RARB: variants seen among roughly 807,000 people sequenced by gnomAD.
RARB encodes the protein retinoic acid receptor beta.
Under a neutral mutation model 51.9 loss-of-function variants are expected in RARB, and 17 were observed. That is an observed-to-expected ratio of 0.33 (90% CI 0.22 to 0.49). The LOEUF is 0.49. Ranked by LOEUF, RARB falls within the 20% of genes least tolerant of loss-of-function variation. The pLI is 0.99. For missense variants in RARB, 369 were observed against 550.8 expected (o/e 0.67, Z 3.30); for synonymous variants, 215 against 195.4 (o/e 1.10, Z -0.84).
intron 2 of RARB, among the ~76,000 whole-genome samples, chr3:24,894,974 A>T (rs761223618): frequency 1.4e-4 from 21 of 152,342 alleles, no homozygotes; most frequent in South Asian, 8.3e-4. Context: ...TATGTGGAAA[A>T]ACCTTTGCTT....
At chr3:25,583,976 A>G (rs1249928485) in intron 5 of RARB, among the ~76,000 whole-genome samples, 1 of 151,976 alleles carries the variant, frequency 6.6e-6, no homozygotes, top group Non-Finnish European at 1.5e-5. Context: ...CTCTGCCCCC[A>G]TGTTTCCTTC....
intron 4 of RARB, among the ~76,000 whole-genome samples, chr3:25,575,620 C>T (rs141912795): frequency 2.6e-5 from 4 of 152,256 alleles, no homozygotes; most frequent in African/African-American, 9.6e-5. Flanking sequence ...TGGTCATCTT[C>T]TCCCTGTGTT....
At chr3:25,480,291 G>A (rs1244448948) in intron 2 of RARB, among the ~76,000 whole-genome samples, 2 of 152,188 alleles carry the variant, frequency 1.3e-5, no homozygotes, top group African/African-American at 4.8e-5. Flanking sequence ...CACGTATCTA[G>A]AATTTGCTAT....
chr3:25,300,093 G>A (rs1704005272), intron 5 of RARB, among the ~76,000 whole-genome samples: 1 of 152,214 alleles, frequency 6.6e-6, no homozygotes, highest in Admixed American at 6.5e-5. Flanking sequence ...TTGAGGAGTA[G>A]ATGATATCAC....
chr3:25,385,309 A>T (rs1360058451), intron 5 of RARB, among the ~76,000 whole-genome samples: 1 of 152,146 alleles, frequency 6.6e-6, no homozygotes, highest in Non-Finnish European at 1.5e-5. Context: ...ATCAGACTAT[A>T]TTGCCTGTTC....
At chr3:24,858,959 C>T (rs577534486) in intron 2 of RARB, among the ~76,000 whole-genome samples, 1 of 142,882 alleles carries the variant, frequency 7.0e-6, no homozygotes, top group Admixed American at 7.5e-5. Flanking sequence ...ATCGCTTGAA[C>T]TGGGGAGGTG....
chr3:25,400,663 T>G (rs1166872095), intron 5 of RARB, among the ~76,000 whole-genome samples: 1 of 152,172 alleles, frequency 6.6e-6, no homozygotes, highest in Non-Finnish European at 1.5e-5. Context: ...GAATATTATT[T>G]TATTCATTTG....
At chr3:24,888,750 A>G (rs2362778) in intron 2 of RARB, among the ~76,000 whole-genome samples, 111,523 of 152,036 alleles carry the variant, frequency 0.73, 41,910 homozygotes, top group African/African-American at 0.88. Flanking sequence ...TACATTATGG[A>G]CACACAGGAA....
At chr3:25,165,180 A>G (rs926458499) in intron 4 of RARB, among the ~76,000 whole-genome samples, 1 of 152,128 alleles carries the variant, frequency 6.6e-6, no homozygotes, top group Non-Finnish European at 1.5e-5. Context: ...CGTTCTTGAC[A>G]CTAAAGCCAA....
At chr3:24,955,271 G>C (rs182601245) in intron 2 of RARB, among the ~76,000 whole-genome samples, 63 of 152,262 alleles carry the variant, frequency 4.1e-4, no homozygotes, top group Non-Finnish European at 7.2e-4. Context: ...GTTAAGCTGC[G>C]TCTGTCTGTA....
intron 2 of RARB, among the ~76,000 whole-genome samples, chr3:24,927,090 T>TGAG (rs1695336044): frequency 6.6e-6 from 1 of 152,158 alleles, no homozygotes; most frequent in Non-Finnish European, 1.5e-5. Context: ...AATGTTACTT[T>TGAG]AACCTCATAT....
intron 2 of RARB, among the ~76,000 whole-genome samples, chr3:24,941,488 G>T (rs1211241492): frequency 6.6e-6 from 1 of 151,742 alleles, no homozygotes; most frequent in Non-Finnish European, 1.5e-5. Context: ...TCCTGCCTCA[G>T]TCTCCCGAAT....
intron 3 of RARB, among the ~76,000 whole-genome samples, chr3:25,561,283 T>C (rs1212623046): frequency 3.3e-5 from 5 of 152,218 alleles, no homozygotes; most frequent in Admixed American, 3.3e-4. Context: ...CCTCAAATGC[T>C]GAATAGAGGG....
intron 2 of RARB, among the ~76,000 whole-genome samples, chr3:24,881,971 C>A (rs189000858): frequency 2.0e-5 from 3 of 151,928 alleles, no homozygotes; most frequent in South Asian, 2.1e-4. Context: ...AAAAAAGATA[C>A]GTAATTATGT....
intron 4 of RARB, among the ~76,000 whole-genome samples, chr3:25,159,463 G>T (rs967561718): frequency 4.6e-5 from 7 of 151,498 alleles, no homozygotes; most frequent in Non-Finnish European, 7.4e-5. Context: ...ACAGGCGTGA[G>T]CCACCGTGCC....
chr3:25,044,132 A>G (rs1333636146), intron 2 of RARB, among the ~76,000 whole-genome samples: 1 of 151,960 alleles, frequency 6.6e-6, no homozygotes, highest in African/African-American at 2.4e-5. Context: ...AAACAGCAAA[A>G]CCCTTTTAGT....
At chr3:25,362,573 T>A (rs1333422451) in intron 5 of RARB, among the ~76,000 whole-genome samples, 1 of 152,212 alleles carries the variant, frequency 6.6e-6, no homozygotes, top group African/African-American at 2.4e-5. Flanking sequence ...TGCCCAGTTT[T>A]GTGCTTGAAA....
intron 2 of RARB, among the ~76,000 whole-genome samples, chr3:24,883,188 A>G (rs1356341639): frequency 1.3e-5 from 2 of 152,204 alleles, no homozygotes; most frequent in South Asian, 2.1e-4. Context: ...TTAAAGCTGA[A>G]TTTTAAAGTT....
intron 3 of RARB, among the ~76,000 whole-genome samples, chr3:25,100,572 G>A (rs148113058): frequency 6.6e-6 from 1 of 152,208 alleles, no homozygotes; most frequent in African/African-American, 2.4e-5. Context: ...TAAGCAAATA[G>A]GTTCATTTAT....
Sources: gnomAD v4.1 joint callset for allele counts (sites outside exome capture counted in the v4.1 genomes callset) on GRCh38, gnomAD v4.1.1 for gene constraint, MANE v1.5 for transcripts, NCBI Gene and HGNC (gene_info 2026-07-23, HGNC 2026-07-21) for gene names.